Variants in KHDRBS2 observed in about 807,000 individuals in gnomAD.
KHDRBS2 encodes KH domain-containing, RNA-binding, signal transduction-associated protein 2.
A neutral mutation model predicts 44.3 loss-of-function variants in KHDRBS2; 26 were observed. The ratio of observed to expected loss-of-function variants is 0.59; its 90% CI spans 0.43 to 0.81. The LOEUF (loss-of-function observed/expected upper bound fraction) is 0.81. Among genes scored for constraint, KHDRBS2 ranks in the 40% least tolerant of loss-of-function variants. The probability of loss-of-function intolerance (pLI) is 0.00; values close to 1 mark genes in which losing one functional copy is unlikely to be tolerated. For synonymous variants in KHDRBS2, 194 were observed against 151.1 expected, an observed-to-expected ratio of 1.28 and a Z score of -2.08; for missense variants, 476 against 433.1, an observed-to-expected ratio of 1.10 and a Z score of -0.88.
At chr6:61,850,562 C>T (rs1358227763) in intron 6 of KHDRBS2, among the ~76,000 whole-genome samples, 1 of 152,132 alleles carries the variant, frequency 6.6e-6, no homozygotes, top group Non-Finnish European at 1.5e-5. Flanking sequence ...TAAAATAACT[C>T]ACTTATAATT....
At chr6:61,887,383 C>A (rs1801119581) in intron 6 of KHDRBS2, among the ~76,000 whole-genome samples, 1 of 152,094 alleles carries the variant, frequency 6.6e-6, no homozygotes, top group South Asian at 2.1e-4. Context: ...AAATCTACTT[C>A]AATCATGAAG....
At chr6:61,597,596 A>C in the KHDRBS2 span, among the ~76,000 whole-genome samples, 2 of 151,116 alleles carry the variant, frequency 1.3e-5, no homozygotes, top group Non-Finnish European at 1.5e-5. Context: ...GTAACTTATC[A>C]GTGATTAAAG....
At chr6:61,684,811 G>A (rs567969442) in intron 8 of KHDRBS2, among the ~76,000 whole-genome samples, 1 of 151,732 alleles carries the variant, frequency 6.6e-6, no homozygotes, top group East Asian at 2.0e-4. Context: ...CAGGATATGA[G>A]AAACAGAAGT....
Position 61,680,211 on chromosome 6 carries a change from G to A in KHDRBS2, c.*752C>T, listed in dbSNP as rs182467879. 4.6e-5 allele frequency: 7 copies of A among 152,424 alleles called. No individual in the cohort carries two copies. The East Asian group carries it at 1.4e-3, about 30-fold the overall frequency. The allele number at this position is 152,424 out of a possible 1,614,324, so 9.4% of individuals were successfully genotyped here. A position where few individuals can be genotyped will look rare whatever the true frequency, so the allele number is the denominator to read the frequency against. On this transcript the variant is annotated 3_prime_UTR_variant, in exon 9 of 9. Transcript: ENST00000281156. ...AGAAGAAATAAAGCAGGCATTTAAA[G>A]CTAGAAAACAAGTAATTCCAAATTT...
At position 62,205,758 on chromosome 6, in the gene KHDRBS2, C is replaced by A. The variant is rs574156985; in HGVS notation, c.92-28446G>T. Among the ~76,000 whole-genome samples, 7 of 152,234 alleles carry A rather than the reference C, an allele frequency of 4.6e-5. No individual in the cohort carries two copies. The South Asian group carries it at 1.4e-3, about 32-fold the overall frequency. ...CATGCCTCAAATAAAATCTGCACAT[C>A]TTAGAATATAGGGAATGGTAGACAA... On this transcript the variant is annotated intron_variant, in intron 1 of 8. Coordinates refer to ENST00000281156, the MANE Select transcript of KHDRBS2 (RefSeq NM_152688.4).
the KHDRBS2 span, among the ~76,000 whole-genome samples, chr6:61,585,116 A>T: frequency 6.6e-6 from 1 of 152,000 alleles, no homozygotes; most frequent in Non-Finnish European, 1.5e-5. Context: ...ACTTGAATGC[A>T]ATGTTATTTT....
chr6:62,170,797 G>T (rs930539367), intron 2 of KHDRBS2, among the ~76,000 whole-genome samples: 1 of 152,018 alleles, frequency 6.6e-6, no homozygotes, highest in African/African-American at 2.4e-5. Context: ...AACAAAGATG[G>T]GGACCTGGGT....
chr6:61,933,147 G>A (rs1810403568), intron 4 of KHDRBS2, among the ~76,000 whole-genome samples: 1 of 152,170 alleles, frequency 6.6e-6, no homozygotes, highest in Non-Finnish European at 1.5e-5. Flanking sequence ...CAAAGGGGAA[G>A]CAGGCACATC....
chr6:61,575,681 T>C, the KHDRBS2 span, among the ~76,000 whole-genome samples: 1,352 of 152,172 alleles, frequency 8.9e-3, 15 homozygotes, highest in African/African-American at 0.031. Context: ...CAATTCACAA[T>C]TGCAAAAATA....
downstream of KHDRBS2, among the ~76,000 whole-genome samples, chr6:61,677,350 A>G (rs1216387649): frequency 1.3e-5 from 2 of 151,946 alleles, no homozygotes; most frequent in Non-Finnish European, 2.9e-5. Context: ...CTTTACAAAA[A>G]TAGTGACAAT....
intron 6 of KHDRBS2, among the ~76,000 whole-genome samples, chr6:61,826,942 C>A (rs1790973486): frequency 6.6e-6 from 1 of 152,134 alleles, no homozygotes; most frequent in Non-Finnish European, 1.5e-5. Context: ...GGCCTGTGTT[C>A]TTTTCCTCAA....
chr6:61,741,401 T>C (rs752490120), intron 6 of KHDRBS2, among the ~76,000 whole-genome samples: 2 of 151,956 alleles, frequency 1.3e-5, no homozygotes, highest in Non-Finnish European at 2.9e-5. Context: ...TCTCACCACA[T>C]ATTTTGGGAA....
chr6:61,712,405 G>T (rs753729731), intron 7 of KHDRBS2, among the ~76,000 whole-genome samples: 2 of 151,864 alleles, frequency 1.3e-5, no homozygotes, highest in Non-Finnish European at 2.9e-5. Context: ...ATTCATTTAT[G>T]TGTAGGTTTA....
chr6:61,995,728 A>G (rs1402140608), intron 3 of KHDRBS2, among the ~76,000 whole-genome samples: 1 of 152,144 alleles, frequency 6.6e-6, no homozygotes, highest in East Asian at 1.9e-4. Flanking sequence ...AGGATATTGA[A>G]GATATATGAG....
intron 7 of KHDRBS2, among the ~76,000 whole-genome samples, chr6:61,720,326 A>G (rs1772232164): frequency 1.3e-5 from 2 of 152,108 alleles, no homozygotes; most frequent in African/African-American, 2.4e-5. Context: ...TGGTATTTCT[A>G]GTTCTAGATC....
chr6:62,053,234 A>C (rs1789477451), intron 2 of KHDRBS2, among the ~76,000 whole-genome samples: 1 of 152,042 alleles, frequency 6.6e-6, no homozygotes, highest in Non-Finnish European at 1.5e-5. Flanking sequence ...GAAATGTATC[A>C]TTCCAATCTA....
At chr6:61,911,394 T>C (rs554759633) in intron 4 of KHDRBS2, among the ~76,000 whole-genome samples, 32 of 152,136 alleles carry the variant, frequency 2.1e-4, no homozygotes, top group African/African-American at 7.2e-4. Flanking sequence ...AAAGTGCATG[T>C]AGATGACTAG....
At chr6:61,733,931 G>A (rs1774910420) in intron 6 of KHDRBS2, among the ~76,000 whole-genome samples, 1 of 152,002 alleles carries the variant, frequency 6.6e-6, no homozygotes, top group African/African-American at 2.4e-5. Flanking sequence ...CCCTACCCTA[G>A]CACTTCATAA....
At chr6:62,178,247 A>T (rs1440783925) in intron 1 of KHDRBS2, among the ~76,000 whole-genome samples, 1 of 151,574 alleles carries the variant, frequency 6.6e-6, no homozygotes, top group Non-Finnish European at 1.5e-5. Context: ...AGCCATGAGA[A>T]GACTAAGAAG....
Sources: allele counts gnomAD v4.1 joint callset (sites outside exome capture counted in the v4.1 genomes callset), GRCh38; gene constraint gnomAD v4.1.1; transcripts MANE v1.5; gene names NCBI Gene and HGNC (gene_info 2026-07-23, HGNC 2026-07-21).